The following CHCHD3 variants were observed in gnomAD, a reference collection of about 807,000 sequenced individuals.
CHCHD3 encodes coiled-coil-helix-coiled-coil-helix domain containing 3.
In CHCHD3, 20 loss-of-function variants were observed where a neutral mutation model predicts 38.2. The ratio of observed to expected loss-of-function variants is 0.52; its 90% CI spans 0.37 to 0.76. The LOEUF is 0.76. Ranked by LOEUF, CHCHD3 falls within the 30% of genes least tolerant of loss-of-function variation. CHCHD3 has a pLI of 0.00. For missense variants in CHCHD3, 245 were observed against 279.2 expected, an observed-to-expected ratio of 0.88 and a Z score of 0.87; for synonymous variants, 82 against 100.0, an observed-to-expected ratio of 0.82 and a Z score of 1.07.
intron 4 of CHCHD3, among the ~76,000 whole-genome samples, chr7:132,960,887 A>G (rs78291128): frequency 0.011 from 1,708 of 152,202 alleles, 19 homozygotes; most frequent in Non-Finnish European, 0.014. Flanking sequence ...CAGCACAAGA[A>G]TTGCTTGAAC....
chr7:132,807,686 G>C (rs1469227043), intron 6 of CHCHD3, among the ~76,000 whole-genome samples: 1 of 143,308 alleles, frequency 7.0e-6, no homozygotes, highest in Non-Finnish European at 1.5e-5. Flanking sequence ...CCAAAAGGCT[G>C]AGAAATGATT....
In CHCHD3 at chr7:132,785,620, G is replaced by A. The variant is rs758131709; in HGVS notation, c.*17C>T. 5 of 1,613,228 alleles carry A rather than the reference G, an allele frequency of 3.1e-6. No homozygotes were observed. Among genetic ancestry groups the A allele is most frequent in the Middle Eastern group, 1.6e-4 (1 of 6,064 alleles). On this transcript the variant is annotated 3_prime_UTR_variant, in exon 8 of 8. Transcript: ENST00000262570. ...CTGGAATTAACGTTGATGGTGTTTT[G>A]CTCATTCTGAAAGTTTTTATCCTCC...
intron 6 of CHCHD3, 109 bp from the exon 7 acceptor site, chr7:132,796,686 G>T: frequency 1.0e-6 from 1 of 991,870 alleles, no homozygotes. Context: ...TGCAAATGTA[G>T]AAAAAGGTTT....
intron 3 of CHCHD3, among the ~76,000 whole-genome samples, chr7:133,000,517 T>C (rs1047479870): frequency 2.0e-5 from 3 of 152,014 alleles, no homozygotes; most frequent in Non-Finnish European, 4.4e-5. Context: ...AAAAAAAAAA[T>C]TAATGATGGT....
intron 6 of CHCHD3, among the ~76,000 whole-genome samples, chr7:132,832,350 G>GTAT (rs1439679316): frequency 6.6e-6 from 1 of 152,192 alleles, no homozygotes; most frequent in African/African-American, 2.4e-5. Context: ...ACACAAAGGA[G>GTAT]TATTACTGGT....
chr7:132,973,966 C>G, intron 4 of CHCHD3: 1 of 1,286,452 alleles, frequency 7.8e-7, no homozygotes. Flanking sequence ...CTAGGAAGGC[C>G]GAAGTGGAGG....
chr7:133,072,856 A>C (rs1466997029), intron 1 of CHCHD3, among the ~76,000 whole-genome samples: 1 of 151,050 alleles, frequency 6.6e-6, no homozygotes, highest in Non-Finnish European at 1.5e-5. Context: ...CCACTCAAAC[A>C]TCCCTCAGCA....
intron 2 of CHCHD3, among the ~76,000 whole-genome samples, chr7:133,065,703 A>G (rs1267042536): frequency 6.6e-6 from 1 of 152,250 alleles, no homozygotes; most frequent in Non-Finnish European, 1.5e-5. Flanking sequence ...TCTATTATTG[A>G]GTACTAACTA....
chr7:132,804,282 C>T (rs1001611500), intron 6 of CHCHD3, among the ~76,000 whole-genome samples: 6 of 152,174 alleles, frequency 3.9e-5, no homozygotes, highest in African/African-American at 1.4e-4. Flanking sequence ...ATTATAATAG[C>T]TTACAATCAC....
At chr7:132,912,292 A>G (rs1373205658) in intron 4 of CHCHD3, among the ~76,000 whole-genome samples, 1 of 152,246 alleles carries the variant, frequency 6.6e-6, no homozygotes, top group Non-Finnish European at 1.5e-5. Context: ...AATATAATGG[A>G]AACAATTTCT....
intron 3 of CHCHD3, among the ~76,000 whole-genome samples, chr7:133,011,614 G>A (rs971312547): frequency 3.3e-5 from 5 of 152,172 alleles, no homozygotes; most frequent in African/African-American, 1.2e-4. Context: ...CCATGGGGAA[G>A]GGAGCAAAAT....
intron 4 of CHCHD3, among the ~76,000 whole-genome samples, chr7:132,957,257 T>A (rs1049286793): frequency 6.6e-6 from 1 of 152,130 alleles, no homozygotes; most frequent in African/African-American, 2.4e-5. Flanking sequence ...TTCTTCAAGG[T>A]CTAAAAAGAA....
chr7:132,887,530 A>T (rs186803962), intron 4 of CHCHD3, among the ~76,000 whole-genome samples: 3 of 151,972 alleles, frequency 2.0e-5, no homozygotes, highest in Non-Finnish European at 4.4e-5. Flanking sequence ...AAAAACAGGA[A>T]AAGAAATCCC....
chr7:132,919,551 G>A (rs1810208051), intron 4 of CHCHD3, among the ~76,000 whole-genome samples: 1 of 152,174 alleles, frequency 6.6e-6, no homozygotes, highest in African/African-American at 2.4e-5. Flanking sequence ...CCAGTCAAAT[G>A]TTTTCAACAT....
At chr7:132,956,669 G>A (rs373485990) in intron 4 of CHCHD3, among the ~76,000 whole-genome samples, 3 of 152,186 alleles carry the variant, frequency 2.0e-5, no homozygotes, top group East Asian at 1.9e-4. Context: ...AACACACAGA[G>A]GCTACAGATA....
At chr7:132,880,276 C>G (rs1362809329) in intron 5 of CHCHD3, among the ~76,000 whole-genome samples, 1 of 152,116 alleles carries the variant, frequency 6.6e-6, no homozygotes, top group Non-Finnish European at 1.5e-5. Flanking sequence ...TTACTTTAAG[C>G]CTTCACCTAA....
At chr7:132,811,779 T>C (rs564888418) in intron 6 of CHCHD3, among the ~76,000 whole-genome samples, 2 of 152,312 alleles carry the variant, frequency 1.3e-5, no homozygotes, top group African/African-American at 4.8e-5. Context: ...CTCTGGCTCA[T>C]TGTCTTCTAA....
chr7:133,061,908 G>A (rs1405519518), intron 2 of CHCHD3, among the ~76,000 whole-genome samples: 1 of 152,146 alleles, frequency 6.6e-6, no homozygotes, highest in Non-Finnish European at 1.5e-5. Context: ...AGTGACAGCT[G>A]TCAACAAAGT....
intron 5 of CHCHD3, among the ~76,000 whole-genome samples, chr7:132,876,017 C>G (rs543455053): frequency 6.6e-6 from 1 of 152,352 alleles, no homozygotes; most frequent in South Asian, 2.1e-4. Context: ...ACAGCTGTCT[C>G]ATGGTCTGAA....
Sources: allele counts gnomAD v4.1 joint callset (sites outside exome capture counted in the v4.1 genomes callset), GRCh38; gene constraint gnomAD v4.1.1; transcripts MANE v1.5; gene names NCBI Gene and HGNC (gene_info 2026-07-23, HGNC 2026-07-21).